AP3B2: variants seen among roughly 807,000 people sequenced by gnomAD.
The protein encoded by AP3B2 is AP-3 complex subunit beta-2.
A neutral mutation model predicts 126.9 loss-of-function variants in AP3B2; 50 were observed. The ratio of observed to expected loss-of-function variants is 0.39; its 90% CI spans 0.31 to 0.50. AP3B2 has a LOEUF of 0.50. AP3B2 is among the 20% of genes least tolerant of loss of function. The pLI is 0.79. For missense variants in AP3B2, 1,177 were observed against 1,426.4 expected, an observed-to-expected ratio of 0.83 and a Z score of 2.82; for synonymous variants, 541 against 565.0, an observed-to-expected ratio of 0.96 and a Z score of 0.60.
rs2047979366 is a variant in AP3B2, at chr15:82,662,911, TGGA to T, written c.2613_2615del (p.Ser871_Pro872delinsArg). The T allele has an allele frequency of 6.2e-7, 1 of 1,612,692 alleles. No homozygotes were observed. Among genetic ancestry groups the T allele is most frequent in the African/African-American group, 1.3e-5 (1 of 74,888 alleles). Reference sequence around the variant, plus strand: ...GCTCCTGCCGCCCAACACCCGATACTGGACTCAGAAGCTAGAGTGGAGGGGTAG... The same window carrying T: ...GCTCCTGCCGCCCAACACCCGATACTCTCAGAAGCTAGAGTGGAGGGGTAG... On this transcript the variant is annotated inframe_deletion, in exon 23 of 27. Coordinates refer to ENST00000535359, the MANE Select transcript of AP3B2 (RefSeq NM_001278512.2).
rs1438454577 is a variant in AP3B2 at position 82,680,807 on chromosome 15, G to A, written c.771+30C>T. ...GGGCGCCTCCCCGGGACACACTTCGGCCCGCTCTGCCTGGGCTGGGCCCAC... is the reference window on the plus strand; with the variant it reads ...GGGCGCCTCCCCGGGACACACTTCGACCCGCTCTGCCTGGGCTGGGCCCAC... On this transcript the variant is annotated intron_variant, in intron 7 of 26. Coordinates refer to ENST00000535359, the MANE Select transcript of AP3B2 (RefSeq NM_001278512.2). The surrounding 1 kb of genome is among the most constrained non-coding windows in gnomAD (Gnocchi z 6.1). The A allele has an allele frequency of 3.4e-5, 55 of 1,611,274 alleles. No individual in the cohort carries two copies. Among genetic ancestry groups the A allele is most frequent in the Non-Finnish European group, 4.5e-5 (53 of 1,178,768 alleles).
rs1251861688 is a variant in AP3B2 at position 82,665,863 on chromosome 15, T to C, written c.1853-288A>G. 6.6e-6 allele frequency among the ~76,000 whole-genome samples: 1 copy of C among 152,154 alleles called. No individual in the cohort carries two copies. Among genetic ancestry groups the C allele is most frequent in the Non-Finnish European group, 1.5e-5 (1 of 68,012 alleles). The stretch of plus-strand genomic sequence containing the variant: ...TGGGCCCACAGATGCTGCCGACCTG[T>C]CTGCTCAGCATGCACGTCTAGTCAG... On this transcript the variant is annotated intron_variant, in intron 15 of 26. Transcript: ENST00000535359. This position sits in a 1 kb window ranked among gnomAD's most constrained non-coding sequence, Gnocchi z 4.4.
chr15:82,676,120 T>A (rs2048238248), intron 14 of AP3B2, among the ~76,000 whole-genome samples: 1 of 152,134 alleles, frequency 6.6e-6, no homozygotes, highest in Non-Finnish European at 1.5e-5. Context: ...GGATGCATGT[T>A]CTCCCATCAG....
chr15:82,697,911 C>G (rs1243758428), intron 1 of AP3B2: 2 of 152,408 alleles, frequency 1.3e-5, no homozygotes, highest in Non-Finnish European at 2.9e-5. Context: ...AGGCTGAGCT[C>G]AGGACACCAG....
At chr15:82,703,194 C>T (rs1259405358) in intron 1 of AP3B2, among the ~76,000 whole-genome samples, 3 of 152,262 alleles carry the variant, frequency 2.0e-5, no homozygotes, top group Non-Finnish European at 2.9e-5. Context: ...GTCTGATCAC[C>T]GCGAGGATGC....
chr15:82,682,967 C>T (rs60300231), intron 4 of AP3B2, among the ~76,000 whole-genome samples: 2 of 147,506 alleles, frequency 1.4e-5, no homozygotes, highest in Non-Finnish European at 3.0e-5. Context: ...AACTCTGCCT[C>T]TGCTTTATCA....
chr15:82,690,734 A>C (rs917979614), intron 1 of AP3B2, among the ~76,000 whole-genome samples: 1 of 139,886 alleles, frequency 7.1e-6, no homozygotes, highest in African/African-American at 2.7e-5. Flanking sequence ...GCTCACTGCA[A>C]GCTCCACCTC....
In AP3B2 at chr15:82,664,958, A is replaced by G; in HGVS notation, c.2029-15T>C. 1 of 1,561,950 alleles carries G rather than the reference A, an allele frequency of 6.4e-7. No homozygotes were observed. Among genetic ancestry groups the G allele is most frequent in the Non-Finnish European group, 8.8e-7 (1 of 1,140,538 alleles). On this transcript the variant is annotated splice_polypyrimidine_tract_variant and intron_variant, in intron 17 of 26. Coordinates refer to ENST00000535359, the MANE Select transcript of AP3B2 (RefSeq NM_001278512.2). This position sits in a 1 kb window ranked among gnomAD's most constrained non-coding sequence, Gnocchi z 4.5. ...CATTCAGGTACCTGGAGATGGGGGT[A>G]GGGTGCAGGGTCATTTCATCATGGT... is the stretch of plus-strand genomic sequence containing the variant.
Position 82,665,677 on chromosome 15 carries a change from C to A in AP3B2, c.1853-102G>T. The A allele has an allele frequency of 1.1e-6, 1 of 870,158 alleles. No homozygotes were observed. The highest frequency in any genetic ancestry group is 1.5e-5 in the South Asian group (1 of 66,346). The allele number at this position is 870,158 out of a possible 1,614,324, so 53.9% of individuals were successfully genotyped here. A position where few individuals can be genotyped will look rare whatever the true frequency, so the allele number is the denominator to read the frequency against. ...GGTGGTGATTCTGGTTGGGACTTCCCAGGTGGGTAGGGGAAGGAGATGGAT... is the reference window on the plus strand; with the variant it reads ...GGTGGTGATTCTGGTTGGGACTTCCAAGGTGGGTAGGGGAAGGAGATGGAT... On this transcript the variant is annotated intron_variant, in intron 15 of 26. Transcript: ENST00000535359. The surrounding 1 kb of genome is among the most constrained non-coding windows in gnomAD (Gnocchi z 4.4).
At chr15:82,667,933 G>A (rs1040702368) in intron 14 of AP3B2, among the ~76,000 whole-genome samples, 1 of 152,066 alleles carries the variant, frequency 6.6e-6, no homozygotes, top group Non-Finnish European at 1.5e-5. Context: ...TTGTGACCAA[G>A]ATCAAAACCA....
chr15:82,671,058 C>T (rs993247869), intron 14 of AP3B2, among the ~76,000 whole-genome samples: 7 of 151,372 alleles, frequency 4.6e-5, no homozygotes, highest in Non-Finnish European at 7.4e-5. Flanking sequence ...CTGAGGCAGG[C>T]GGATCACCTG....
chr15:82,703,917 G>C (rs1311789322), intron 1 of AP3B2, among the ~76,000 whole-genome samples: 2 of 152,012 alleles, frequency 1.3e-5, no homozygotes, highest in Non-Finnish European at 2.9e-5. Flanking sequence ...GGCTGAATCA[G>C]ACTCCAATTC....
At chr15:82,705,671 A>C (rs1187530215) in intron 1 of AP3B2, among the ~76,000 whole-genome samples, 1 of 151,992 alleles carries the variant, frequency 6.6e-6, no homozygotes, top group African/African-American at 2.4e-5. Context: ...TTTCTTCCTC[A>C]TCCATTACCT....
rs542560678 is a variant in AP3B2, at chr15:82,674,081, A to C, written c.1665+2380T>G. On this transcript the variant is annotated intron_variant, in intron 14 of 26. Transcript: ENST00000535359. Reference sequence around the variant, plus strand: ...ATCTGATTATCTGCTGATCAATAGCAGGGCAGAGGCCTCATCTTGGTCATT... The same window carrying C: ...ATCTGATTATCTGCTGATCAATAGCCGGGCAGAGGCCTCATCTTGGTCATT... 9.2e-5 allele frequency among the ~76,000 whole-genome samples: 14 copies of C among 152,224 alleles called. 1 individual carries two copies. The highest frequency in any genetic ancestry group is 8.5e-4 in the Admixed American group (13 of 15,288).
chr15:82,684,135 G>A (rs745977258), intron 4 of AP3B2, among the ~76,000 whole-genome samples: 1 of 152,204 alleles, frequency 6.6e-6, no homozygotes, highest in South Asian at 2.1e-4. Context: ...CCCCTAACAA[G>A]AGCCAGCCTG....
In AP3B2 at chr15:82,709,633, T is replaced by A. The variant is rs1322770852; in HGVS notation, c.74A>T (p.Asp25Val). ...AGPGEPEYGH[D>V]PASGGIFSSD... is the part of the protein sequence containing the mutation. Reference sequence around the variant, plus strand: ...GGAGAAGATGCCGCCGCTCGCGGGGTCGTGGCCGTACTCGGGCTCCCCGGG... The same window carrying A: ...GGAGAAGATGCCGCCGCTCGCGGGGACGTGGCCGTACTCGGGCTCCCCGGG... The change falls in exon 1 of 27, where the codon GAC (aspartate) becomes GTC (valine). Residue 25 changes from aspartate to valine, a missense_variant. This residue lies in a region of AP3B2 where 49 missense variants were observed against 39.3 expected (regional missense o/e 1.25). Transcript: ENST00000535359. 3 of 1,518,446 alleles carry A rather than the reference T, an allele frequency of 2.0e-6. No individual in the cohort carries two copies. Among genetic ancestry groups the A allele is most frequent in the Non-Finnish European group, 8.8e-7 (1 of 1,136,032 alleles). 94.1% of individuals were successfully genotyped at this position (1,518,446 alleles called of 1,614,324 possible).
In AP3B2 at chr15:82,680,759, G is replaced by A. The variant is rs1297742516; in HGVS notation, c.772-4C>T. The A allele has an allele frequency of 1.3e-6, 2 of 1,591,814 alleles. No homozygotes were observed. The highest frequency in any genetic ancestry group is 1.7e-6 in the Non-Finnish European group (2 of 1,170,610). ...CGTTCTCCTCTAGTAGGGATTCCTG[G>A]ACGGGGAGACCGACGGGTCTGTGGG... On this transcript the variant is annotated splice_region_variant and splice_polypyrimidine_tract_variant and intron_variant, in intron 7 of 26. Coordinates refer to ENST00000535359, the MANE Select transcript of AP3B2 (RefSeq NM_001278512.2). This position sits in a 1 kb window ranked among gnomAD's most constrained non-coding sequence, Gnocchi z 6.1.
chr15:82,683,047 G>GGTTTTT (rs2048368127), intron 4 of AP3B2, among the ~76,000 whole-genome samples: 1 of 77,716 alleles, frequency 1.3e-5, no homozygotes, highest in Non-Finnish European at 2.5e-5. Flanking sequence ...TGCACCAGGA[G>GGTTTTT]TTTTTTTTTT....
chr15:82,701,500 T>G (rs566064390), intron 1 of AP3B2, among the ~76,000 whole-genome samples: 1 of 152,370 alleles, frequency 6.6e-6, no homozygotes, highest in Admixed American at 6.5e-5. Flanking sequence ...TCTTTTACAG[T>G]CAAATTTCTT....
Sources: gnomAD v4.1 joint callset for allele counts (sites outside exome capture counted in the v4.1 genomes callset) on GRCh38, gnomAD v4.1.1 for gene constraint, gnomAD v4.1.1 regional missense constraint, Gnocchi (gnomAD v3.1) non-coding constraint, MANE v1.5 for transcripts, NCBI Gene and HGNC (gene_info 2026-07-23, HGNC 2026-07-21) for gene names.